The following RARB variants were observed in gnomAD, a reference collection of about 807,000 sequenced individuals.
The protein encoded by RARB is retinoic acid receptor beta.
In RARB, 17 loss-of-function variants were observed where a neutral mutation model predicts 51.9. The ratio of observed to expected loss-of-function variants is 0.33; its 90% CI spans 0.22 to 0.49. RARB has a LOEUF of 0.49. RARB is among the 20% of genes least tolerant of loss of function. The pLI, the probability that RARB is intolerant of heterozygous loss-of-function variation, is 0.99. For synonymous variants in RARB, 215 were observed against 195.4 expected (o/e 1.10, Z -0.84); for missense variants, 369 against 550.8 (o/e 0.67, Z 3.30).
At chr3:24,869,673 G>A (rs573194365) in intron 2 of RARB, among the ~76,000 whole-genome samples, 4 of 152,132 alleles carry the variant, frequency 2.6e-5, no homozygotes, top group African/African-American at 9.6e-5. Context: ...TACAGACATA[G>A]CGTAGCACAT....
At chr3:25,260,867 T>C (rs954383066) in intron 5 of RARB, among the ~76,000 whole-genome samples, 2 of 152,140 alleles carry the variant, frequency 1.3e-5, no homozygotes, top group African/African-American at 2.4e-5. Context: ...AACGTACTCA[T>C]TGGCTCACGT....
intron 2 of RARB, among the ~76,000 whole-genome samples, chr3:25,035,368 A>C (rs929101014): frequency 1.3e-5 from 2 of 148,510 alleles, no homozygotes; most frequent in Non-Finnish European, 3.0e-5. Flanking sequence ...GCAATCTGAC[A>C]TGCTCAGTCT....
At chr3:25,228,243 T>G (rs9855665) in intron 5 of RARB, among the ~76,000 whole-genome samples, 1 of 146,678 alleles carries the variant, frequency 6.8e-6, no homozygotes, top group African/African-American at 2.5e-5. Context: ...TTTTTGGTTG[T>G]TCATTTGTAC....
chr3:25,146,492 G>GTTTTT (rs751190061), intron 4 of RARB, among the ~76,000 whole-genome samples: 2 of 126,254 alleles, frequency 1.6e-5, no homozygotes, highest in South Asian at 2.4e-4. Context: ...AATTTGCTAA[G>GTTTTT]TTTTTTGTTT....
At chr3:25,305,392 C>T (rs760853223) in intron 5 of RARB, among the ~76,000 whole-genome samples, 2 of 152,058 alleles carry the variant, frequency 1.3e-5, no homozygotes, top group African/African-American at 4.8e-5. Flanking sequence ...TGATATCTCC[C>T]AAGCTGAAGA....
intron 5 of RARB, among the ~76,000 whole-genome samples, chr3:25,591,621 T>G (rs375141684): frequency 6.6e-6 from 1 of 152,194 alleles, no homozygotes; most frequent in Admixed American, 6.5e-5. Flanking sequence ...CATGGGTTGA[T>G]AGGAGAAATA....
At chr3:25,528,819 G>A (rs1202811182) in intron 3 of RARB, among the ~76,000 whole-genome samples, 1 of 136,710 alleles carries the variant, frequency 7.3e-6, no homozygotes, top group Non-Finnish European at 1.6e-5. Flanking sequence ...TTCAGAAGCA[G>A]CAACTTTTAA....
chr3:25,216,013 C>G (rs1239239362), intron 5 of RARB, among the ~76,000 whole-genome samples: 1 of 152,170 alleles, frequency 6.6e-6, no homozygotes, highest in Non-Finnish European at 1.5e-5. Context: ...AGGGCATGGA[C>G]TAATGCTTTC....
chr3:25,404,395 T>C (rs982253207), intron 5 of RARB, among the ~76,000 whole-genome samples: 1 of 152,220 alleles, frequency 6.6e-6, no homozygotes, highest in Non-Finnish European at 1.5e-5. Flanking sequence ...TATTTGCATT[T>C]AATTCCCTGG....
chr3:25,390,982 T>G (rs994962935), intron 5 of RARB, among the ~76,000 whole-genome samples: 2 of 152,082 alleles, frequency 1.3e-5, no homozygotes, highest in African/African-American at 4.8e-5. Context: ...TTTCCGAGAT[T>G]TTGGTGCACC....
chr3:25,158,596 T>C (rs1328331231), intron 4 of RARB, among the ~76,000 whole-genome samples: 1 of 152,310 alleles, frequency 6.6e-6, no homozygotes, highest in East Asian at 1.9e-4. Flanking sequence ...GAAGAAAGTC[T>C]AGTCAATAGG....
intron 5 of RARB, among the ~76,000 whole-genome samples, chr3:25,396,096 C>T (rs1575369496): frequency 6.6e-6 from 1 of 152,166 alleles, no homozygotes; most frequent in Admixed American, 6.5e-5. Context: ...GATGTGGCTT[C>T]CTAAGAACCA....
At chr3:25,289,945 G>A (rs549698608) in intron 5 of RARB, among the ~76,000 whole-genome samples, 2 of 152,280 alleles carry the variant, frequency 1.3e-5, no homozygotes, top group South Asian at 4.1e-4. Flanking sequence ...CCACAACTCT[G>A]AGCTGGGAAG....
intron 2 of RARB, among the ~76,000 whole-genome samples, chr3:25,010,507 G>C (rs993926443): frequency 6.6e-6 from 1 of 152,068 alleles, no homozygotes; most frequent in East Asian, 1.9e-4. Flanking sequence ...TTAAATCTGT[G>C]TTTGCTACTG....
chr3:25,404,691 C>T (rs1388255492), intron 5 of RARB, among the ~76,000 whole-genome samples: 1 of 152,140 alleles, frequency 6.6e-6, no homozygotes, highest in Non-Finnish European at 1.5e-5. Flanking sequence ...ACAAATTAGG[C>T]ATGGCCTCGT....
intron 2 of RARB, among the ~76,000 whole-genome samples, chr3:25,057,956 TTTGA>T (rs1160714191): frequency 1.3e-5 from 2 of 151,980 alleles, no homozygotes; most frequent in Non-Finnish European, 2.9e-5. Flanking sequence ...TATCATTGTA[TTTGA>T]TTATTTTTCC....
At chr3:25,011,687 A>C (rs771115311) in intron 2 of RARB, among the ~76,000 whole-genome samples, 1 of 152,126 alleles carries the variant, frequency 6.6e-6, no homozygotes, top group Non-Finnish European at 1.5e-5. Flanking sequence ...CTCAGCTCTT[A>C]TCTCATACCT....
chr3:25,381,688 A>G (rs1028286279), intron 5 of RARB, among the ~76,000 whole-genome samples: 1 of 152,182 alleles, frequency 6.6e-6, no homozygotes, highest in African/African-American at 2.4e-5. Context: ...TAAAGCCACA[A>G]TTCTCAAGGT....
chr3:24,985,500 C>G (rs1696769636), intron 2 of RARB, among the ~76,000 whole-genome samples: 1 of 152,090 alleles, frequency 6.6e-6, no homozygotes, highest in Non-Finnish European at 1.5e-5. Context: ...TAACTTTGCA[C>G]AAAGCAATTT....
Sources: allele counts gnomAD v4.1 joint callset (sites outside exome capture counted in the v4.1 genomes callset), GRCh38; gene constraint gnomAD v4.1.1; transcripts MANE v1.5; gene names NCBI Gene and HGNC (gene_info 2026-07-23, HGNC 2026-07-21).